The following MTIF2 variants were observed in gnomAD, a reference collection of about 807,000 sequenced individuals.
MTIF2 encodes translation initiation factor IF-2, mitochondrial.
Under a neutral mutation model 83.5 loss-of-function variants are expected in MTIF2, and 71 were observed. The ratio of observed to expected loss-of-function variants is 0.85; its 90% CI spans 0.70 to 1.04. MTIF2 has a LOEUF of 1.04. Among genes scored for constraint, MTIF2 ranks in the 50% least tolerant of loss-of-function variants. The probability of loss-of-function intolerance (pLI) is 0.00; values close to 1 mark genes in which losing one functional copy is unlikely to be tolerated. For synonymous variants in MTIF2, 319 were observed against 287.1 expected, an observed-to-expected ratio of 1.11 and a Z score of -1.12; for missense variants, 957 against 846.5, an observed-to-expected ratio of 1.13 and a Z score of -1.62.
intron 12 of MTIF2, 62 bp downstream of exon 12, chr2:55,243,354 A>C (rs1250511223): frequency 1.6e-5 from 23 of 1,439,472 alleles, no homozygotes; most frequent in Non-Finnish European, 2.2e-5. Context: ...GGCCCAAACT[A>C]TGAGAATAAA....
intron 5 of MTIF2, among the ~76,000 whole-genome samples, chr2:55,259,612 C>T (rs888809938): frequency 6.6e-6 from 1 of 151,886 alleles, no homozygotes; most frequent in African/African-American, 2.4e-5. Context: ...AAGCTTATTC[C>T]ATTCTTTCTG....
Position 55,254,134 on chromosome 2 carries a change from G to C in MTIF2, c.571C>G (p.His191Asp). 2 of 1,614,134 alleles carry C rather than the reference G, an allele frequency of 1.2e-6. No homozygotes were observed. Among genetic ancestry groups the C allele is most frequent in the Non-Finnish European group, 1.7e-6 (2 of 1,180,012 alleles). ...TTGTCAAGTAATGTCGTTTTCCCGT[G>C]ATCAACATGGCCCATTATAGTAACA... is the stretch of plus-strand genomic sequence containing the variant. Reference protein sequence around the residue: ...PVVTIMGHVDHGKTTLLDKFR... With the variant: ...PVVTIMGHVDDGKTTLLDKFR... Residue 191 changes from histidine to aspartate, a missense_variant, in exon 7 of 16, where the codon CAC (histidine) becomes GAC (aspartate). This residue lies in a region of MTIF2 where 733 missense variants were observed against 648.7 expected (regional missense o/e 1.13). Coordinates refer to ENST00000263629, the MANE Select transcript of MTIF2 (RefSeq NM_002453.3).
At chr2:55,243,125 C>G in intron 12 of MTIF2, 45 bp from the exon 13 acceptor site, 1 of 1,516,292 alleles carries the variant, frequency 6.6e-7, no homozygotes, top group East Asian at 2.3e-5. Context: ...AAGAGTTAGA[C>G]ATCAGCAGAC....
chr2:55,260,561 T>A (rs1235128603), intron 5 of MTIF2, among the ~76,000 whole-genome samples: 2 of 152,214 alleles, frequency 1.3e-5, no homozygotes, highest in Non-Finnish European at 2.9e-5. Context: ...ATGTGGTTGA[T>A]GAGTAACAGC....
At chr2:55,241,071 C>A (rs1308803366) in intron 13 of MTIF2, among the ~76,000 whole-genome samples, 1 of 151,324 alleles carries the variant, frequency 6.6e-6, no homozygotes, top group East Asian at 1.9e-4. Flanking sequence ...ACTGTAAATA[C>A]TTTGGGAGAA....
At chr2:55,262,541 C>CTTTTTTT (rs66500251) in intron 4 of MTIF2, 114 bp from the exon 5 acceptor site, 27 of 285,174 alleles carry the variant, frequency 9.5e-5, no homozygotes, top group Non-Finnish European at 1.2e-4. Flanking sequence ...CTTTTTTTTT[C>CTTTTTTT]TTTTTTTTTT....
Position 55,254,048 on chromosome 2 carries a change from G to A in MTIF2, c.657C>T (p.Ala219=), listed in dbSNP as rs1336111860. 1 of 1,613,818 alleles carries A rather than the reference G, an allele frequency of 6.2e-7. No homozygotes were observed. Among genetic ancestry groups the A allele is most frequent in the Admixed American group, 1.7e-5 (1 of 59,944 alleles). The change falls in exon 7 of 16, where the codon GCC becomes GCT. Residue 219 remains alanine (A), a synonymous_variant. Coordinates refer to ENST00000263629, the MANE Select transcript of MTIF2 (RefSeq NM_002453.3). The part of the protein sequence containing the change: ...ETGGITQHIG[A]FLVSLPSGEK... ...GGTAATTTGTGTTCATACCAAGAAA[G>A]GCACCAATGTGCTGAGTGATGCCTC...
At chr2:55,253,099 A>G (rs1677228782) in intron 7 of MTIF2, among the ~76,000 whole-genome samples, 1 of 152,154 alleles carries the variant, frequency 6.6e-6, no homozygotes, top group South Asian at 2.1e-4. Flanking sequence ...CTTACTGGCT[A>G]TATACTGTGG....
At position 55,243,071 on chromosome 2, in the gene MTIF2, T is replaced by A. The variant is rs1285715659; in HGVS notation, c.1574A>T (p.Asp525Val). The change falls in exon 13 of 16, where the codon GAT (aspartate) becomes GTT (valine). Residue 525 changes from aspartate to valine, a missense_variant. Physicochemically the swap from Asp to Val is radical, Grantham distance 152. This residue lies in a region of MTIF2 where 733 missense variants were observed against 648.7 expected (regional missense o/e 1.13). Coordinates refer to ENST00000263629, the MANE Select transcript of MTIF2 (RefSeq NM_002453.3). ...VLSVIIKGDV[D>V]GSVEAILNII... is the part of the protein sequence containing the mutation. ...GTTCAAAATGGCCTCAACAGAACCATCAACATCACCTAAATACAGAAAAAG... is the reference window on the plus strand; with the variant it reads ...GTTCAAAATGGCCTCAACAGAACCAACAACATCACCTAAATACAGAAAAAG... The A allele has an allele frequency of 6.2e-7, 1 of 1,601,802 alleles. No individual in the cohort carries two copies.
chr2:55,243,922 A>T, intron 11 of MTIF2, 107 bp downstream of exon 11: 1 of 1,070,062 alleles, frequency 9.3e-7, no homozygotes, highest in Non-Finnish European at 1.3e-6. Context: ...ACAGCCCCTT[A>T]TAATCTAGAT....
In MTIF2 at chr2:55,252,479, T is replaced by C. The variant is rs141493873; in HGVS notation, c.839A>G (p.Gln280Arg). The change falls in exon 8 of 16, where the codon CAG becomes CGG. Residue 280 changes from glutamine to arginine, a missense_variant and splice_region_variant. Around this residue, in one of 3 missense-constraint regions of MTIF2, gnomAD observed 733 missense variants for 648.7 expected, o/e 1.13. Transcript: ENST00000263629. Reference sequence around the variant, plus strand: ...CCATTAAGTCAGCCACACAGTACCCTGTGCATCTTTGGCATGCTGAATAGA... The same window carrying C: ...CCATTAAGTCAGCCACACAGTACCCCGTGCATCTTTGGCATGCTGAATAGA... ...VESIQHAKDA[Q>R]VPIILAVNKC... 12 of 1,613,874 alleles carry C rather than the reference T, an allele frequency of 7.4e-6. No individual in the cohort carries two copies. The highest frequency in any genetic ancestry group is 9.3e-6 in the Non-Finnish European group (11 of 1,179,882).
At chr2:55,262,504 C>A in intron 4 of MTIF2, 77 bp from the exon 5 acceptor site, 2 of 749,786 alleles carry the variant, frequency 2.7e-6, no homozygotes, top group Non-Finnish European at 2.2e-6. Flanking sequence ...TCTCAAATAT[C>A]TACCACAATC....
chr2:55,236,947 A>T (rs1675873809), intron 15 of MTIF2, 127 bp from the exon 16 acceptor site: 9 of 789,386 alleles, frequency 1.1e-5, no homozygotes, highest in Non-Finnish European at 1.7e-5. Context: ...TTGTCAAGTT[A>T]AATGATGGGA....
At chr2:55,255,336 C>A (rs1238830592) in intron 5 of MTIF2, among the ~76,000 whole-genome samples, 1 of 148,594 alleles carries the variant, frequency 6.7e-6, no homozygotes, top group Non-Finnish European at 1.5e-5. Context: ...AACTGATCAA[C>A]ACATAATTTT....
In MTIF2 at chr2:55,263,627, A is replaced by T. The variant is rs1028180570; in HGVS notation, c.219+13T>A. The T allele has an allele frequency of 3.2e-6, 5 of 1,577,054 alleles. No individual in the cohort carries two copies. The highest frequency in any genetic ancestry group is 3.4e-6 in the Non-Finnish European group (4 of 1,164,772). ...TCCATCTCAAAAAAAAAAAAAAAGA[A>T]ATCTGTAACTACCTTTTTTGTTACT... On this transcript the variant is annotated intron_variant, in intron 4 of 15. Coordinates refer to ENST00000263629, the MANE Select transcript of MTIF2 (RefSeq NM_002453.3).
chr2:55,237,946 C>G (rs1426525559), intron 14 of MTIF2, among the ~76,000 whole-genome samples: 1 of 151,956 alleles, frequency 6.6e-6, no homozygotes, highest in African/African-American at 2.4e-5. Flanking sequence ...CCACTGCACC[C>G]AGCCATCTTT....
At chr2:55,258,650 A>G (rs1203237792) in intron 5 of MTIF2, among the ~76,000 whole-genome samples, 1 of 152,102 alleles carries the variant, frequency 6.6e-6, no homozygotes, top group Non-Finnish European at 1.5e-5. Context: ...CGTCTCTAAT[A>G]AAAATACAGA....
At chr2:55,257,788 TTTTG>T (rs914486218) in intron 5 of MTIF2, among the ~76,000 whole-genome samples, 1 of 151,904 alleles carries the variant, frequency 6.6e-6, no homozygotes, top group Non-Finnish European at 1.5e-5. Context: ...GAAGAGTTGG[TTTTG>T]TTTGTTTGTT....
chr2:55,265,482 T>C (rs1278092568), intron 3 of MTIF2, among the ~76,000 whole-genome samples: 1 of 151,932 alleles, frequency 6.6e-6, no homozygotes, highest in Non-Finnish European at 1.5e-5. Flanking sequence ...TGCAATAATA[T>C]GCAAAATTAT....
Sources: allele counts gnomAD v4.1 joint callset (sites outside exome capture counted in the v4.1 genomes callset), GRCh38; gene constraint gnomAD v4.1.1; regional missense constraint gnomAD v4.1.1; transcripts MANE v1.5; gene names NCBI Gene and HGNC (gene_info 2026-07-23, HGNC 2026-07-21).